Variants in WDR25 observed in about 807,000 individuals in gnomAD.
WDR25 encodes the protein WD repeat-containing protein 25.
WDR25 carries 35 observed loss-of-function variants against 47.7 expected under a neutral mutation model. The ratio of observed to expected loss-of-function variants is 0.73; its 90% CI spans 0.56 to 0.97. The LOEUF is 0.97. Ranked by LOEUF, WDR25 falls within the 50% of genes least tolerant of loss-of-function variation. WDR25 has a pLI of 0.00. For missense variants in WDR25, 634 were observed against 704.7 expected (o/e 0.90, Z 1.14); for synonymous variants, 248 against 278.9 (o/e 0.89, Z 1.10).
At chr14:100,477,729 G>C (rs35717331) in intron 3 of WDR25, among the ~76,000 whole-genome samples, 1 of 151,966 alleles carries the variant, frequency 6.6e-6, no homozygotes, top group African/African-American at 2.4e-5. Flanking sequence ...AGCCCAGGGC[G>C]TTGTATTTTC....
At chr14:100,400,319 C>T (rs1897347361) in intron 2 of WDR25, among the ~76,000 whole-genome samples, 1 of 152,166 alleles carries the variant, frequency 6.6e-6, no homozygotes, top group Non-Finnish European at 1.5e-5. Flanking sequence ...CTTTGTGGTC[C>T]CCTCGGAGGG....
chr14:100,469,778 A>G (rs1404941722), intron 3 of WDR25, among the ~76,000 whole-genome samples: 1 of 152,142 alleles, frequency 6.6e-6, no homozygotes, highest in South Asian at 2.1e-4. Context: ...ACCCTTTGAG[A>G]CAGGCGCCAT....
chr14:100,472,024 A>G (rs1315223847), intron 3 of WDR25, among the ~76,000 whole-genome samples: 2 of 152,186 alleles, frequency 1.3e-5, no homozygotes, highest in African/African-American at 4.8e-5. Context: ...CAGCTCAGCC[A>G]GTCTCCTCAG....
intron 4 of WDR25, among the ~76,000 whole-genome samples, chr14:100,495,846 A>G (rs1441259228): frequency 1.3e-5 from 2 of 152,250 alleles, no homozygotes; most frequent in Admixed American, 6.5e-5. Context: ...GTATGGATAT[A>G]CACATTTTGT....
At chr14:100,377,510 A>G (rs1896738413) in intron 1 of WDR25, among the ~76,000 whole-genome samples, 1 of 149,532 alleles carries the variant, frequency 6.7e-6, no homozygotes, top group Non-Finnish European at 1.5e-5. Context: ...GGGTTTCACC[A>G]TGTTGGCCAG....
At chr14:100,519,851 G>T (rs1040623620) in intron 4 of WDR25, among the ~76,000 whole-genome samples, 10 of 124,750 alleles carry the variant, frequency 8.0e-5, no homozygotes, top group East Asian at 2.1e-4. Context: ...TACTATATAT[G>T]CTATATATAT....
chr14:100,443,047 C>T (rs1898717285), intron 2 of WDR25, among the ~76,000 whole-genome samples: 1 of 152,230 alleles, frequency 6.6e-6, no homozygotes, highest in East Asian at 1.9e-4. Flanking sequence ...ACACAGGTGC[C>T]CACTGCTCCC....
Position 100,408,028 on chromosome 14 carries a change from G to A in WDR25, c.822+26282G>A, listed in dbSNP as rs147936979. ...TGCCTGCACACCAGGCACTGGGGGCGGGGGTTGGGATGGAGAGTGTGGTGA... is the reference window on the plus strand; with the variant it reads ...TGCCTGCACACCAGGCACTGGGGGCAGGGGTTGGGATGGAGAGTGTGGTGA... On this transcript the variant is annotated intron_variant, in intron 2 of 6. Coordinates refer to ENST00000402312, the MANE Select transcript of WDR25 (RefSeq NM_001161476.3). 4.0e-3 allele frequency among the ~76,000 whole-genome samples: 613 copies of A among 152,270 alleles called. 2 individuals carry two copies. The highest frequency in any genetic ancestry group is 0.014 in the African/African-American group (567 of 41,536).
intron 2 of WDR25, among the ~76,000 whole-genome samples, chr14:100,431,398 T>TTGGTGTCTTTTATAAA (rs1898329450): frequency 6.6e-6 from 1 of 152,198 alleles, no homozygotes. Flanking sequence ...ATAAAAGCAG[T>TTGGTGTCTTTTATAAA]TAAAGGATTA....
rs142172562 is a variant in WDR25, at chr14:100,427,356, C to T, written c.823-40665C>T. Among the ~76,000 whole-genome samples the T allele has an allele frequency of 5.1e-3, 783 of 152,314 alleles. 7 individuals are homozygous for T. Among genetic ancestry groups the T allele is most frequent in the African/African-American group, 0.017 (727 of 41,576 alleles). On this transcript the variant is annotated intron_variant, in intron 2 of 6. Transcript: ENST00000402312. Reference sequence around the variant, plus strand: ...CCTCTCTTGCAGCACTTATCTGTCCCGCTCCAAATGTATCCCGTTCACCAT... The same window carrying T: ...CCTCTCTTGCAGCACTTATCTGTCCTGCTCCAAATGTATCCCGTTCACCAT...
intron 3 of WDR25, 112 bp from the exon 4 acceptor site, chr14:100,483,882 C>A: frequency 7.5e-7 from 1 of 1,329,398 alleles, no homozygotes; most frequent in Non-Finnish European, 1.0e-6. Context: ...TACATCGGGC[C>A]CAGGGGAGCT....
rs141338991 is a variant in WDR25, at chr14:100,410,416, A to T, written c.822+28670A>T. ...GAGAACATCGAGAATTGTACCCACC[A>T]CTAGGCACCATGTGAGGGGCCAGCA... On this transcript the variant is annotated intron_variant, in intron 2 of 6. Transcript: ENST00000402312. Among the ~76,000 whole-genome samples, 44 of 152,348 alleles carry T rather than the reference A, an allele frequency of 2.9e-4. 1 individual carries two copies. The East Asian group carries it at 7.1e-3, about 25-fold the overall frequency.
chr14:100,529,950 C>A lies in WDR25; in HGVS notation c.1544C>A (p.Thr515Lys). The A allele has an allele frequency of 3.7e-6, 6 of 1,613,584 alleles. No individual in the cohort carries two copies. The highest frequency in any genetic ancestry group is 5.1e-6 in the Non-Finnish European group (6 of 1,180,036). ...ASRACTLQGH[T>K]QACVGTTYHP... ...CGAGCATGCACACTGCAGGGGCACA[C>A]ACAGGCCTGTGTCGGCACCACCTAT... The change falls in exon 7 of 7, where the codon ACA (threonine) becomes AAA (lysine). Residue 515 changes from threonine (T) to lysine (K), a missense_variant. Physicochemically the swap from Thr to Lys is moderately conservative, Grantham distance 78 (BLOSUM62 -1). Transcript: ENST00000402312. The surrounding 1 kb of genome is among the most constrained non-coding windows in gnomAD (Gnocchi z 5.1).
At chr14:100,426,439 A>C (rs559396352) in intron 2 of WDR25, among the ~76,000 whole-genome samples, 1 of 152,372 alleles carries the variant, frequency 6.6e-6, no homozygotes, top group Admixed American at 6.5e-5. Flanking sequence ...GAAAGCATGA[A>C]TCTTCGACAA....
At chr14:100,377,795 G>T (rs1249446626) in intron 1 of WDR25, among the ~76,000 whole-genome samples, 1 of 152,132 alleles carries the variant, frequency 6.6e-6, no homozygotes, top group Non-Finnish European at 1.5e-5. Flanking sequence ...GAGGTTGGGT[G>T]GTTGATTCCA....
chr14:100,492,880 T>C (rs1004537730), intron 4 of WDR25, among the ~76,000 whole-genome samples: 1 of 152,190 alleles, frequency 6.6e-6, no homozygotes, highest in African/African-American at 2.4e-5. Flanking sequence ...GGCATTATCA[T>C]ATCTCACTGC....
intron 2 of WDR25, among the ~76,000 whole-genome samples, chr14:100,413,110 A>G (rs981666088): frequency 6.6e-6 from 1 of 152,320 alleles, no homozygotes; most frequent in Admixed American, 6.5e-5. Context: ...GATTACAGGC[A>G]TGAGTCACCA....
chr14:100,448,720 C>A (rs1339170806), intron 2 of WDR25, among the ~76,000 whole-genome samples: 2 of 152,042 alleles, frequency 1.3e-5, no homozygotes, highest in Non-Finnish European at 2.9e-5. Flanking sequence ...GTTTCTTTCA[C>A]AACCAGGAAA....
chr14:100,395,831 C>A (rs554527887), intron 2 of WDR25, among the ~76,000 whole-genome samples: 26 of 152,238 alleles, frequency 1.7e-4, no homozygotes, highest in African/African-American at 6.0e-4. Flanking sequence ...CACTCCCCCA[C>A]CCACCCCTCA....
Sources: allele counts gnomAD v4.1 joint callset (sites outside exome capture counted in the v4.1 genomes callset), GRCh38; gene constraint gnomAD v4.1.1; non-coding constraint Gnocchi (gnomAD v3.1); transcripts MANE v1.5; gene names NCBI Gene and HGNC (gene_info 2026-07-23, HGNC 2026-07-21).